PBX1: variants seen among roughly 807,000 people sequenced by gnomAD.
PBX1 encodes pre-B-cell leukemia transcription factor 1.
PBX1 carries 6 observed loss-of-function variants against 53.4 expected under a neutral mutation model. The ratio of observed to expected loss-of-function variants is 0.11; its 90% CI spans 0.06 to 0.22. The LOEUF (loss-of-function observed/expected upper bound fraction) is 0.22, where lower values mean the gene tolerates loss of function less well. PBX1 is among the 10% of genes least tolerant of loss of function. PBX1 has a pLI of 1.00. For missense variants in PBX1, 251 were observed against 551.4 expected, an observed-to-expected ratio of 0.46 and a Z score of 5.46; for synonymous variants, 204 against 212.3, an observed-to-expected ratio of 0.96 and a Z score of 0.34.
In PBX1 at chr1:164,776,928, T is replaced by TA. The variant is rs1401768734; in HGVS notation, c.266-15566_266-15565insA. ...GTGTGTGTGTGTGTGTGTGTGTGTG[T>TA]GTGTGTGGTGGGAGGAGAGAGAGAG... On this transcript the variant is annotated intron_variant, in intron 2 of 8. Coordinates refer to ENST00000420696, the MANE Select transcript of PBX1 (RefSeq NM_002585.4). Among the ~76,000 whole-genome samples the TA allele has an allele frequency of 3.4e-4, 34 of 100,182 alleles. 1 individual carries two copies. The East Asian group carries it at 4.3e-3, about 13-fold the overall frequency. The allele number at this position is 100,182 out of a possible 152,430, so 65.7% of individuals were successfully genotyped here. A position where few individuals can be genotyped will look rare whatever the true frequency, so the allele number is the denominator to read the frequency against.
chr1:164,567,420 AT>A (rs1382805308), intron 2 of PBX1, among the ~76,000 whole-genome samples: 2 of 152,032 alleles, frequency 1.3e-5, no homozygotes, highest in Non-Finnish European at 2.9e-5. Context: ...TGATGAGAAA[AT>A]TCAAGAATTT....
chr1:164,668,851 G>A (rs1660962189), intron 2 of PBX1, among the ~76,000 whole-genome samples: 1 of 152,202 alleles, frequency 6.6e-6, no homozygotes, highest in Non-Finnish European at 1.5e-5. Context: ...AGAGAGATTT[G>A]CGGAATCTGC....
downstream of PBX1, among the ~76,000 whole-genome samples, chr1:164,852,870 T>G (rs1336498792): frequency 6.6e-6 from 1 of 152,166 alleles, no homozygotes; most frequent in Non-Finnish European, 1.5e-5. Flanking sequence ...TCTCTTCAAA[T>G]CTAAACATTG....
rs571386947 is a variant in PBX1, at chr1:164,785,351, T to C, written c.266-7143T>C. 3.9e-5 allele frequency among the ~76,000 whole-genome samples: 6 copies of C among 152,360 alleles called. No homozygotes were observed. The South Asian group carries it at 1.0e-3, about 26-fold the overall frequency. On this transcript the variant is annotated intron_variant, in intron 2 of 8. Coordinates refer to ENST00000420696, the MANE Select transcript of PBX1 (RefSeq NM_002585.4). The stretch of plus-strand genomic sequence containing the variant: ...AGGAGTGAAGAACACGAGGACCTGC[T>C]GCCCTGAGTTTCAAGACACTAACAG...
intron 2 of PBX1, among the ~76,000 whole-genome samples, chr1:164,736,941 G>A (rs1665326734): frequency 6.6e-6 from 1 of 152,184 alleles, no homozygotes; most frequent in African/African-American, 2.4e-5. Flanking sequence ...ATGTGAATAT[G>A]CCTTTGATTT....
At chr1:164,845,216 G>A (rs1055005330) in intron 8 of PBX1, among the ~76,000 whole-genome samples, 11 of 152,086 alleles carry the variant, frequency 7.2e-5, no homozygotes, top group East Asian at 1.9e-4. Flanking sequence ...GTTGAAAAGC[G>A]CAGAGAAAAT....
intron 2 of PBX1, among the ~76,000 whole-genome samples, chr1:164,709,926 T>C (rs1054309746): frequency 1.3e-5 from 2 of 152,038 alleles, no homozygotes; most frequent in African/African-American, 4.8e-5. Context: ...GGAGATGGGG[T>C]GGGTGGCCAA....
chr1:164,828,984 C>T (rs1670616126), intron 8 of PBX1: 1 of 152,152 alleles, frequency 6.6e-6, no homozygotes, highest in Non-Finnish European at 1.5e-5. Flanking sequence ...TTCTTTTTCA[C>T]ATCTCTAAAT....
downstream of PBX1, among the ~76,000 whole-genome samples, chr1:164,852,974 A>G (rs980698451): frequency 6.6e-6 from 1 of 152,234 alleles, no homozygotes; most frequent in Non-Finnish European, 1.5e-5. Flanking sequence ...TGTATTACTT[A>G]GAGTGGTACT....
intron 2 of PBX1, chr1:164,641,401 C>A (rs1469500351): frequency 6.5e-6 from 1 of 153,062 alleles, no homozygotes; most frequent in East Asian, 1.9e-4. Context: ...GCCAGTAAAG[C>A]CACCAGGCCA....
chr1:164,807,417 A>T, intron 4 of PBX1, 125 bp from the exon 5 acceptor site: 2 of 1,216,562 alleles, frequency 1.6e-6, no homozygotes, highest in Non-Finnish European at 2.3e-6. Flanking sequence ...CCCTTTTGGT[A>T]AATCTGCTCC....
At chr1:164,611,324 G>A (rs1023476730) in intron 2 of PBX1, among the ~76,000 whole-genome samples, 1 of 152,026 alleles carries the variant, frequency 6.6e-6, no homozygotes, top group Non-Finnish European at 1.5e-5. Context: ...TGCAAGCTCC[G>A]CCTCCCGGGT....
In PBX1 at chr1:164,815,152, T is replaced by G. The variant is rs552956115; in HGVS notation, c.997+3003T>G. The G allele has an allele frequency of 4.6e-5, 7 of 152,350 alleles. No homozygotes were observed. In the East Asian group the frequency reaches 5.8e-4, roughly 13 times the overall value. The allele number at this position is 152,350 out of a possible 1,614,324, so 9.4% of individuals were successfully genotyped here. ...GGCCTAGAGTAATGCATTCTTAATT[T>G]CTTAATTTCGATGAGATTATAAAAC... On this transcript the variant is annotated intron_variant, in intron 6 of 8. Coordinates refer to ENST00000420696, the MANE Select transcript of PBX1 (RefSeq NM_002585.4).
At chr1:164,784,881 C>A (rs1166658395) in intron 2 of PBX1, among the ~76,000 whole-genome samples, 1 of 152,144 alleles carries the variant, frequency 6.6e-6, no homozygotes, top group Non-Finnish European at 1.5e-5. Flanking sequence ...GGCCTACCTG[C>A]TTGGCAAACC....
chr1:164,840,080 G>A (rs190053672), intron 8 of PBX1, among the ~76,000 whole-genome samples: 131 of 152,202 alleles, frequency 8.6e-4, no homozygotes, highest in African/African-American at 3.0e-3. Context: ...TCACTTTCTC[G>A]GTCTTTAAGG....
intron 2 of PBX1, among the ~76,000 whole-genome samples, chr1:164,751,488 A>G (rs1666212813): frequency 6.6e-6 from 1 of 152,150 alleles, no homozygotes; most frequent in African/African-American, 2.4e-5. Flanking sequence ...GTAAAAATGT[A>G]AAACTCACTC....
At position 164,792,509 on chromosome 1, in the gene PBX1, G is replaced by T; in HGVS notation, c.281G>T (p.Gly94Val). 6.2e-7 allele frequency: 1 copy of T among 1,613,948 alleles called. No individual in the cohort carries two copies. Among genetic ancestry groups the T allele is most frequent in the Non-Finnish European group, 8.5e-7 (1 of 1,180,000 alleles). Residue 94 changes from glycine to valine, a missense_variant, in exon 3 of 9, where the codon GGA (glycine) becomes GTA (valine). Gly to Val is a moderately radical substitution (Grantham distance 109). Around this residue, in one of 4 missense-constraint regions of PBX1, gnomAD observed 76 missense variants for 197.5 expected, o/e 0.38. Transcript: ENST00000420696. The stretch of plus-strand genomic sequence containing the variant: ...TTTTCTGTAGTTTTGAGTATCCGAG[G>T]AGCCCAGGAGGAGGAACCCACAGAC... Reference protein sequence around the residue: ...IKEKTVLSIRGAQEEEPTDPQ... With the variant: ...IKEKTVLSIRVAQEEEPTDPQ...
chr1:164,723,614 A>G (rs1316710856), intron 2 of PBX1, among the ~76,000 whole-genome samples: 2 of 152,192 alleles, frequency 1.3e-5, no homozygotes, highest in African/African-American at 4.8e-5. Flanking sequence ...GGACTTGTCT[A>G]AAAGGACGTT....
chr1:164,743,697 A>G (rs1186210648), intron 2 of PBX1, among the ~76,000 whole-genome samples: 1 of 152,298 alleles, frequency 6.6e-6, no homozygotes, highest in Non-Finnish European at 1.5e-5. Flanking sequence ...AGAATTCCAG[A>G]GGTGGGTCAT....
Sources: gnomAD v4.1 joint callset for allele counts (sites outside exome capture counted in the v4.1 genomes callset) on GRCh38, gnomAD v4.1.1 for gene constraint, gnomAD v4.1.1 regional missense constraint, MANE v1.5 for transcripts, NCBI Gene and HGNC (gene_info 2026-07-23, HGNC 2026-07-21) for gene names.